MRTFB: variants seen among roughly 807,000 people sequenced by gnomAD.
The protein encoded by MRTFB is myocardin-related transcription factor B.
MRTFB carries 29 observed loss-of-function variants against 104.2 expected under a neutral mutation model. That is an observed-to-expected ratio of 0.28 (90% CI 0.21 to 0.38). MRTFB has a LOEUF of 0.38. Ranked by LOEUF, MRTFB falls within the 10% of genes least tolerant of loss-of-function variation. The pLI, the probability that MRTFB is intolerant of heterozygous loss-of-function variation, is 1.00. For synonymous variants in MRTFB, 535 were observed against 519.5 expected (o/e 1.03, Z -0.41); for missense variants, 1,270 against 1,341.6 (o/e 0.95, Z 0.83).
intron 8 of MRTFB, among the ~76,000 whole-genome samples, chr16:14,226,782 C>A (rs1423473412): frequency 1.3e-5 from 2 of 151,960 alleles, no homozygotes; most frequent in African/African-American, 4.8e-5. Flanking sequence ...GAAGACCAAC[C>A]TGGACAACAT....
chr16:14,252,585 T>G, intron 15 of MRTFB, 83 bp downstream of exon 15: 2 of 1,450,102 alleles, frequency 1.4e-6, no homozygotes, highest in Admixed American at 4.6e-5. Context: ...ACAGAATCCC[T>G]TGTCTGAAAC....
At chr16:14,061,391 C>T in the MRTFB span, among the ~76,000 whole-genome samples, 1 of 152,156 alleles carries the variant, frequency 6.6e-6, no homozygotes, top group Non-Finnish European at 1.5e-5. Context: ...TGCCCAGAAG[C>T]TGGGGAGCCT....
intron 15 of MRTFB, among the ~76,000 whole-genome samples, chr16:14,253,929 T>A (rs2043365153): frequency 6.6e-6 from 1 of 152,138 alleles, no homozygotes; most frequent in South Asian, 2.1e-4. Flanking sequence ...CCATTCGGAG[T>A]GACATCTATT....
At chr16:14,129,995 A>AT (rs1404028942) in intron 2 of MRTFB, among the ~76,000 whole-genome samples, 1 of 151,820 alleles carries the variant, frequency 6.6e-6, no homozygotes, top group Non-Finnish European at 1.5e-5. Context: ...TGGCCAGCTA[A>AT]TTTTTTTGTA....
At chr16:14,195,768 G>C (rs2040406236) in intron 3 of MRTFB, among the ~76,000 whole-genome samples, 1 of 152,168 alleles carries the variant, frequency 6.6e-6, no homozygotes, top group Non-Finnish European at 1.5e-5. Flanking sequence ...TCTACCTATA[G>C]CTGCACACTG....
At chr16:14,213,683 CCA>C (rs1182006562) in intron 6 of MRTFB, 63 bp downstream of exon 6, 2 of 1,223,246 alleles carry the variant, frequency 1.6e-6, no homozygotes, top group Non-Finnish European at 1.2e-6. Context: ...AGAATTTCCA[CCA>C]TTTCTGTTTA....
At chr16:14,076,078 A>AT (rs1355276529) in intron 1 of MRTFB, among the ~76,000 whole-genome samples, 1 of 151,970 alleles carries the variant, frequency 6.6e-6, no homozygotes, top group African/African-American at 2.4e-5. Context: ...TATACTATAT[A>AT]TACTCTTTTT....
intron 3 of MRTFB, chr16:14,200,079 T>C: frequency 3.7e-6 from 2 of 536,482 alleles, no homozygotes; most frequent in Non-Finnish European, 6.6e-6. Context: ...CACAACCATT[T>C]GGAAGGCAAA....
intron 3 of MRTFB, among the ~76,000 whole-genome samples, chr16:14,165,831 C>T (rs4780555): frequency 0.089 from 13,622 of 152,270 alleles, 1,260 homozygotes; most frequent in African/African-American, 0.23. Context: ...ATTACTGTTA[C>T]ATGTATCTTT....
chr16:14,200,920 T>C, intron 3 of MRTFB: 2 of 1,451,318 alleles, frequency 1.4e-6, no homozygotes, highest in South Asian at 2.3e-5. Flanking sequence ...GGCTACTTTA[T>C]ATTTTGGAAA....
chr16:14,217,151 G>T lies in MRTFB; in HGVS notation c.378G>T (p.Gln126His). 6.2e-7 allele frequency: 1 copy of T among 1,613,386 alleles called. No homozygotes were observed. Among genetic ancestry groups the T allele is most frequent in the Non-Finnish European group, 8.5e-7 (1 of 1,179,732 alleles). ...LEETFAEPSL[Q>H]ATQMKLKRAR... Reference sequence around the variant, plus strand: ...AAACATTTGCAGAGCCATCCCTGCAGGCTACTCAGATGAAGTTGAAAAGAG... The same window carrying T: ...AAACATTTGCAGAGCCATCCCTGCATGCTACTCAGATGAAGTTGAAAAGAG... The change falls in exon 7 of 17, where the codon CAG (glutamine) becomes CAT (histidine). Residue 126 changes from glutamine (Q) to histidine (H), a missense_variant. This residue lies in a region of MRTFB where 64 missense variants were observed against 152.9 expected (regional missense o/e 0.42). Coordinates refer to ENST00000571589, the MANE Select transcript of MRTFB (RefSeq NM_001308142.2).
At chr16:14,259,460 G>A (rs1388672757) in intron 16 of MRTFB, among the ~76,000 whole-genome samples, 2 of 151,134 alleles carry the variant, frequency 1.3e-5, no homozygotes, top group Non-Finnish European at 2.9e-5. Flanking sequence ...GTTTTATATA[G>A]TTACAAGACT....
the MRTFB span, among the ~76,000 whole-genome samples, chr16:14,004,929 G>A: frequency 7.9e-4 from 120 of 152,348 alleles, no homozygotes; most frequent in Non-Finnish European, 1.5e-3. Context: ...TCTGAGGCCC[G>A]GTTCTCCCCC....
At chr16:14,221,325 C>A (rs1038830316) in intron 8 of MRTFB, among the ~76,000 whole-genome samples, 1 of 152,190 alleles carries the variant, frequency 6.6e-6, no homozygotes. Context: ...CCTAAATATA[C>A]TTACTTTCAT....
intron 2 of MRTFB, among the ~76,000 whole-genome samples, chr16:14,103,342 G>C (rs2035796834): frequency 6.6e-6 from 1 of 152,172 alleles, no homozygotes; most frequent in Non-Finnish European, 1.5e-5. Flanking sequence ...AAAGTTCAGA[G>C]AGTGATGAGA....
chr16:14,102,235 T>G (rs1178107811), intron 2 of MRTFB, among the ~76,000 whole-genome samples: 1 of 152,114 alleles, frequency 6.6e-6, no homozygotes, highest in Non-Finnish European at 1.5e-5. Flanking sequence ...AAACTTAATT[T>G]TGTAGAGGAG....
At chr16:14,181,230 T>G (rs2039760294) in intron 3 of MRTFB, among the ~76,000 whole-genome samples, 1 of 152,206 alleles carries the variant, frequency 6.6e-6, no homozygotes, top group Non-Finnish European at 1.5e-5. Context: ...CCGTTGGGAT[T>G]TACCATAACC....
At chr16:14,237,077 C>T (rs1304861287) in intron 9 of MRTFB, among the ~76,000 whole-genome samples, 3 of 152,192 alleles carry the variant, frequency 2.0e-5, no homozygotes, top group South Asian at 2.1e-4. Context: ...AGGTGCTGTG[C>T]AGGCACCGCG....
At chr16:14,138,662 A>G (rs1276577385) in intron 2 of MRTFB, among the ~76,000 whole-genome samples, 3 of 152,176 alleles carry the variant, frequency 2.0e-5, no homozygotes, top group African/African-American at 7.2e-5. Context: ...CTGCATGTGT[A>G]TAGTTGAGGG....
Sources: gnomAD v4.1 joint callset for allele counts (sites outside exome capture counted in the v4.1 genomes callset) on GRCh38, gnomAD v4.1.1 for gene constraint, gnomAD v4.1.1 regional missense constraint, MANE v1.5 for transcripts, NCBI Gene and HGNC (gene_info 2026-07-23, HGNC 2026-07-21) for gene names.